The following EXOC2 variants were observed in gnomAD, a reference collection of about 807,000 sequenced individuals.
EXOC2 encodes exocyst complex component 2.
A neutral mutation model predicts 131.8 loss-of-function variants in EXOC2; 70 were observed. The ratio of observed to expected loss-of-function variants is 0.53; its 90% CI spans 0.44 to 0.65. EXOC2 has a LOEUF of 0.65. EXOC2 is among the 30% of genes least tolerant of loss of function. The probability of loss-of-function intolerance (pLI) is 0.00; values close to 1 mark genes in which losing one functional copy is unlikely to be tolerated. For missense variants in EXOC2, 923 were observed against 1,108.6 expected, an observed-to-expected ratio of 0.83 and a Z score of 2.38; for synonymous variants, 411 against 398.4, an observed-to-expected ratio of 1.03 and a Z score of -0.38.
chr6:538,411 C>T (rs948969123), intron 22 of EXOC2, among the ~76,000 whole-genome samples: 1 of 152,174 alleles, frequency 6.6e-6, no homozygotes, highest in Non-Finnish European at 1.5e-5. Flanking sequence ...CCATTAATCG[C>T]TATCTGAGAG....
At chr6:514,545 T>C (rs1765028939) in intron 23 of EXOC2, among the ~76,000 whole-genome samples, 1 of 152,214 alleles carries the variant, frequency 6.6e-6, no homozygotes, top group African/African-American at 2.4e-5. Flanking sequence ...AGTAAATCCA[T>C]GCGCTGCTCC....
intron 1 of EXOC2, among the ~76,000 whole-genome samples, chr6:675,005 C>T (rs11757546): frequency 0.09 from 13,702 of 152,088 alleles, 687 homozygotes; most frequent in Admixed American, 0.13. Context: ...GCTTGCCTAC[C>T]CTGCCTAGCC....
intron 23 of EXOC2, among the ~76,000 whole-genome samples, chr6:501,361 A>T (rs1463656155): frequency 0.013 from 1 of 78 alleles, no homozygotes; most frequent in African/African-American, 0.062. Flanking sequence ...TCTATATATT[A>T]TATATATCTA....
intron 7 of EXOC2, among the ~76,000 whole-genome samples, chr6:606,571 CTT>C (rs1279918821): frequency 1.3e-5 from 2 of 152,244 alleles, no homozygotes; most frequent in African/African-American, 4.8e-5. Context: ...AATCAAGCCT[CTT>C]TTCTGTGCTC....
chr6:615,182 G>GGTGTGTGTGTGT (rs201428433), intron 6 of EXOC2, among the ~76,000 whole-genome samples: 6 of 121,032 alleles, frequency 5.0e-5, no homozygotes, highest in African/African-American at 2.3e-4. Flanking sequence ...TGTGGGTGTG[G>GGTGTGTGTGTGT]GTGTGTGTGT....
At chr6:672,987 C>T (rs1029444426) in intron 1 of EXOC2, among the ~76,000 whole-genome samples, 5 of 151,958 alleles carry the variant, frequency 3.3e-5, no homozygotes, top group African/African-American at 4.8e-5. Context: ...TGACTGGGCG[C>T]GGTGGCTCAG....
In EXOC2 at chr6:556,494, C is replaced by T. The variant is rs1757425757; in HGVS notation, c.1922G>A (p.Gly641Glu). 6.2e-7 allele frequency: 1 copy of T among 1,614,024 alleles called. No individual in the cohort carries two copies. The highest frequency in any genetic ancestry group is 8.5e-7 in the Non-Finnish European group (1 of 1,179,930). ...AGCTGGAATACTTACACTGGCCTCT[C>T]CCGGCTTGCACTCCAGAACCCCCTT... is the stretch of plus-strand genomic sequence containing the variant. ...SLKGVLECKP[G>E]EASVFQQPKT... Residue 641 changes from glycine (G) to glutamate (E), a missense_variant, in exon 18 of 28, where the codon GGA becomes GAA. By Grantham distance (98) the Gly-to-Glu change is moderately conservative. Transcript: ENST00000230449.
chr6:575,525 G>GCTCCCT lies in EXOC2; in HGVS notation c.1318+1231_1318+1232insAGGGAG, dbSNP rs1561876860. On this transcript the variant is annotated intron_variant, in intron 12 of 27. Transcript: ENST00000230449. ...TCGCTCCCTCTCCATCCTCTCCCTC[G>GCTCCCT]CTCCATCTCCTGCCATGCGACATGC... Among the ~76,000 whole-genome samples the GCTCCCT allele has an allele frequency of 3.3e-4, 50 of 150,916 alleles. No individual in the cohort carries two copies. In the East Asian group the frequency reaches 7.4e-3, roughly 22 times the overall value.
intron 1 of EXOC2, among the ~76,000 whole-genome samples, chr6:683,693 T>C (rs772736987): frequency 2.6e-5 from 4 of 152,262 alleles, no homozygotes; most frequent in East Asian, 1.9e-4. Flanking sequence ...TTTTGTATAA[T>C]AGCTTTTCCA....
chr6:668,106 C>A (rs1037322832), intron 1 of EXOC2, among the ~76,000 whole-genome samples: 2 of 152,286 alleles, frequency 1.3e-5, no homozygotes, highest in African/African-American at 4.8e-5. Context: ...TGATTTTCTG[C>A]AACTGGAATA....
At chr6:596,296 A>G (rs556543108) in intron 10 of EXOC2, among the ~76,000 whole-genome samples, 50 of 151,944 alleles carry the variant, frequency 3.3e-4, no homozygotes, top group Non-Finnish European at 5.7e-4. Context: ...ACTAGGACAC[A>G]GGTCCAGGTG....
chr6:687,381 T>C (rs9502436), intron 1 of EXOC2, among the ~76,000 whole-genome samples: 21,658 of 151,672 alleles, frequency 0.14, 1,712 homozygotes, highest in African/African-American at 0.2. Flanking sequence ...AGGGGCCTCA[T>C]TATGTTGCCC....
rs1330461438 is a variant in EXOC2 at position 506,488 on chromosome 6, G to A, written c.2381-6788C>T. ...CTACATTATTATGCTGCAGTAATAA[G>A]TACTGTTTTTAAAAAGGTTCCCCTT... On this transcript the variant is annotated intron_variant, in intron 23 of 27. Coordinates refer to ENST00000230449, the MANE Select transcript of EXOC2 (RefSeq NM_018303.6). This position sits in a 1 kb window ranked among gnomAD's most constrained non-coding sequence, Gnocchi z 4.4. 6.6e-6 allele frequency among the ~76,000 whole-genome samples: 1 copy of A among 152,184 alleles called. No homozygotes were observed. The highest frequency in any genetic ancestry group is 2.4e-5 in the African/African-American group (1 of 41,428).
chr6:496,315 C>A (rs1257539159), intron 25 of EXOC2, among the ~76,000 whole-genome samples: 1 of 152,214 alleles, frequency 6.6e-6, no homozygotes, highest in Non-Finnish European at 1.5e-5. Context: ...GCTGTGGAGA[C>A]TCTGGATTCT....
chr6:552,385 C>T (rs964343135), intron 21 of EXOC2, among the ~76,000 whole-genome samples: 5 of 152,212 alleles, frequency 3.3e-5, no homozygotes, highest in Non-Finnish European at 7.3e-5. Context: ...TTTGGGGTGG[C>T]TCGGGATGGC....
chr6:575,153 C>T (rs746833994), intron 12 of EXOC2, among the ~76,000 whole-genome samples: 44 of 152,338 alleles, frequency 2.9e-4, no homozygotes, highest in Non-Finnish European at 5.9e-4. Flanking sequence ...AGTTCTTGCT[C>T]TATGAGTTCA....
chr6:590,942 C>T (rs746305689), intron 11 of EXOC2, among the ~76,000 whole-genome samples: 1 of 152,190 alleles, frequency 6.6e-6, no homozygotes, highest in African/African-American at 2.4e-5. Context: ...GCTGTCCAAA[C>T]AAAGAGGCGG....
chr6:591,449 C>T (rs1296454971), intron 11 of EXOC2, among the ~76,000 whole-genome samples: 1 of 152,050 alleles, frequency 6.6e-6, no homozygotes, highest in East Asian at 1.9e-4. Flanking sequence ...TCCTGGAAGT[C>T]TTAAATGCTT....
At chr6:671,790 T>C (rs1763884649) in intron 1 of EXOC2, among the ~76,000 whole-genome samples, 3 of 152,226 alleles carry the variant, frequency 2.0e-5, no homozygotes, top group Admixed American at 2.0e-4. Context: ...ATTTCCATTC[T>C]TGTCTCCCTT....
Sources: gnomAD v4.1 joint callset for allele counts (sites outside exome capture counted in the v4.1 genomes callset) on GRCh38, gnomAD v4.1.1 for gene constraint, Gnocchi (gnomAD v3.1) non-coding constraint, MANE v1.5 for transcripts, NCBI Gene and HGNC (gene_info 2026-07-23, HGNC 2026-07-21) for gene names.